The following GREB1L variants were observed in gnomAD, a reference collection of about 807,000 sequenced individuals.
GREB1L encodes GREB1 like retinoic acid receptor coactivator.
Under a neutral mutation model 200.8 loss-of-function variants are expected in GREB1L, and 17 were observed. That is an observed-to-expected ratio of 0.08 (90% CI 0.06 to 0.13). The LOEUF is 0.13. Ranked by LOEUF, GREB1L falls within the 10% of genes least tolerant of loss-of-function variation. The pLI is 1.00. For synonymous variants in GREB1L, 789 were observed against 893.0 expected, an observed-to-expected ratio of 0.88 and a Z score of 2.08; for missense variants, 1,657 against 2,367.7, an observed-to-expected ratio of 0.70 and a Z score of 6.23.
At chr18:21,343,139 A>AT (rs2039292588) in intron 1 of GREB1L, among the ~76,000 whole-genome samples, 1 of 152,122 alleles carries the variant, frequency 6.6e-6, no homozygotes, top group South Asian at 2.1e-4. Context: ...TCTGGAAAAA[A>AT]AAAAAAGGGA....
intron 23 of GREB1L, among the ~76,000 whole-genome samples, chr18:21,501,136 T>TA (rs2036773919): frequency 6.6e-6 from 1 of 151,420 alleles, no homozygotes; most frequent in African/African-American, 2.4e-5. Context: ...TAGTTCTGAG[T>TA]AAACTGTAGC....
chr18:21,466,019 A>G (rs528651153), intron 15 of GREB1L, among the ~76,000 whole-genome samples: 1 of 152,298 alleles, frequency 6.6e-6, no homozygotes, highest in Admixed American at 6.5e-5. Flanking sequence ...AATTTCATAT[A>G]CTTTAAACCT....
At position 21,450,188 on chromosome 18, in the gene GREB1L, C is replaced by A. The variant is rs541509526; in HGVS notation, c.1720+352C>A. Among the ~76,000 whole-genome samples the A allele has an allele frequency of 2.0e-5, 3 of 152,222 alleles. No individual in the cohort carries two copies. In the South Asian group the frequency reaches 6.2e-4, roughly 32 times the overall value. ...CCACAGGTGGCCTAAGCCAGTTAATCGAATTTGCCAGAAAATTAGCTCATA... is the reference window on the plus strand; with the variant it reads ...CCACAGGTGGCCTAAGCCAGTTAATAGAATTTGCCAGAAAATTAGCTCATA... On this transcript the variant is annotated intron_variant, in intron 12 of 32. Coordinates refer to ENST00000424526, the MANE Select transcript of GREB1L (RefSeq NM_001142966.3).
At chr18:21,419,795 G>A (rs76691853) in intron 7 of GREB1L, among the ~76,000 whole-genome samples, 2,128 of 152,204 alleles carry the variant, frequency 0.014, 57 homozygotes, top group African/African-American at 0.049. Flanking sequence ...AATGAAGAAC[G>A]GATAGCCTTT....
intron 19 of GREB1L, among the ~76,000 whole-genome samples, chr18:21,490,668 ATC>A (rs2036298717): frequency 6.6e-6 from 1 of 152,122 alleles, no homozygotes; most frequent in South Asian, 2.1e-4. Context: ...GCCCATGGCC[ATC>A]TGTTTTCTGA....
At chr18:21,352,753 A>C (rs1237177793) in intron 1 of GREB1L, among the ~76,000 whole-genome samples, 2 of 152,092 alleles carry the variant, frequency 1.3e-5, no homozygotes, top group Non-Finnish European at 2.9e-5. Context: ...TTAAAGTAAC[A>C]ATTTCATTGT....
intron 7 of GREB1L, among the ~76,000 whole-genome samples, chr18:21,429,019 A>C (rs1598818797): frequency 6.6e-6 from 1 of 151,978 alleles, no homozygotes; most frequent in Admixed American, 6.6e-5. Context: ...TGCCCAGCCT[A>C]TAATCCTTTT....
At chr18:21,268,200 C>G (rs2038003534) in intron 1 of GREB1L, among the ~76,000 whole-genome samples, 1 of 151,828 alleles carries the variant, frequency 6.6e-6, no homozygotes, top group African/African-American at 2.4e-5. Flanking sequence ...TCAAAAGCAG[C>G]ACTTTCATCC....
At chr18:21,358,320 T>A (rs1299904428) in intron 1 of GREB1L, among the ~76,000 whole-genome samples, 5 of 152,222 alleles carry the variant, frequency 3.3e-5, no homozygotes, top group Non-Finnish European at 5.9e-5. Context: ...TATTTATTTA[T>A]GTAGAGACGG....
intron 1 of GREB1L, among the ~76,000 whole-genome samples, chr18:21,346,447 G>A (rs1338880086): frequency 6.6e-6 from 1 of 151,690 alleles, no homozygotes; most frequent in Admixed American, 6.6e-5. Flanking sequence ...GGATCTAGTT[G>A]CAGCAATTGA....
intron 4 of GREB1L, among the ~76,000 whole-genome samples, chr18:21,386,238 G>A (rs184099167): frequency 6.6e-6 from 1 of 152,256 alleles, no homozygotes; most frequent in Non-Finnish European, 1.5e-5. Flanking sequence ...CACCTTGGGG[G>A]AAGGCATTTA....
intron 12 of GREB1L, 44 bp from the exon 13 acceptor site, chr18:21,450,979 T>C: frequency 6.5e-7 from 1 of 1,534,090 alleles, no homozygotes; most frequent in Non-Finnish European, 8.8e-7. Flanking sequence ...TCCAGCAACA[T>C]TTGTTCTGTT....
Position 21,331,053 on chromosome 18 carries a change from C to T in GREB1L, c.-119-34974C>T, listed in dbSNP as rs146398280. The stretch of plus-strand genomic sequence containing the variant: ...AATCAACATCAGGCTATTTCATCTG[C>T]GGAGTTTTTTTCTGGCTTCAAAATC... On this transcript the variant is annotated intron_variant, in intron 1 of 32. Coordinates refer to ENST00000424526, the MANE Select transcript of GREB1L (RefSeq NM_001142966.3). 4.6e-5 allele frequency among the ~76,000 whole-genome samples: 7 copies of T among 152,242 alleles called. No individual in the cohort carries two copies. The East Asian group carries it at 1.2e-3, about 25-fold the overall frequency.
intron 1 of GREB1L, among the ~76,000 whole-genome samples, chr18:21,303,328 T>C (rs1186068588): frequency 1.3e-5 from 2 of 152,082 alleles, no homozygotes; most frequent in Non-Finnish European, 2.9e-5. Context: ...CACCAACTAA[T>C]CTCTTAGAAT....
intron 1 of GREB1L, among the ~76,000 whole-genome samples, chr18:21,301,129 A>T (rs1053694388): frequency 6.6e-6 from 1 of 152,222 alleles, no homozygotes; most frequent in African/African-American, 2.4e-5. Flanking sequence ...ATATTCCTGC[A>T]TGTTGTCTTA....
At chr18:21,377,443 CTTA>C (rs1275724724) in intron 2 of GREB1L, among the ~76,000 whole-genome samples, 1 of 152,140 alleles carries the variant, frequency 6.6e-6, no homozygotes, top group Admixed American at 6.5e-5. Flanking sequence ...AATAATTACT[CTTA>C]TTATTAAAAC....
chr18:21,489,415 A>C (rs1191799361), intron 18 of GREB1L, among the ~76,000 whole-genome samples: 2 of 152,252 alleles, frequency 1.3e-5, no homozygotes, highest in Non-Finnish European at 2.9e-5. Context: ...ACCTCAGATT[A>C]GTAGTAATAA....
At chr18:21,499,483 G>A (rs2036685311) in intron 21 of GREB1L, among the ~76,000 whole-genome samples, 1 of 152,314 alleles carries the variant, frequency 6.6e-6, no homozygotes, top group African/African-American at 2.4e-5. Context: ...GACCATGCAG[G>A]GGGAAGCCAC....
intron 15 of GREB1L, among the ~76,000 whole-genome samples, chr18:21,461,768 T>C (rs1324839686): frequency 6.6e-6 from 1 of 152,224 alleles, no homozygotes; most frequent in African/African-American, 2.4e-5. Flanking sequence ...GTAAAATGAA[T>C]ATTTTACTAT....
Sources: gnomAD v4.1 joint callset for allele counts (sites outside exome capture counted in the v4.1 genomes callset) on GRCh38, gnomAD v4.1.1 for gene constraint, MANE v1.5 for transcripts, NCBI Gene and HGNC (gene_info 2026-07-23, HGNC 2026-07-21) for gene names.